The following BCAS3 variants were observed in gnomAD, a reference collection of about 807,000 sequenced individuals.
BCAS3 encodes the protein BCAS3 microtubule associated cell migration factor.
BCAS3 carries 53 observed loss-of-function variants against 116.1 expected under a neutral mutation model. The ratio of observed to expected loss-of-function variants is 0.46; its 90% CI spans 0.37 to 0.57. The LOEUF is 0.57. BCAS3 is among the 20% of genes least tolerant of loss of function. BCAS3 has a pLI of 0.00. For synonymous variants in BCAS3, 391 were observed against 408.2 expected (o/e 0.96, Z 0.51); for missense variants, 917 against 1,165.4 (o/e 0.79, Z 3.10).
rs1228875288 is a variant in BCAS3, at chr17:61,281,416, T to G, written c.2426-86911T>G. Among the ~76,000 whole-genome samples, 2 of 152,220 alleles carry G rather than the reference T, an allele frequency of 1.3e-5. No homozygotes were observed. Among genetic ancestry groups the G allele is most frequent in the Non-Finnish European group, 2.9e-5 (2 of 68,032 alleles). On this transcript the variant is annotated intron_variant, in intron 22 of 23. Coordinates refer to ENST00000407086, the MANE Select transcript of BCAS3 (RefSeq NM_017679.5). This position sits in a 1 kb window ranked among gnomAD's most constrained non-coding sequence, Gnocchi z 4.2. ...TAATTTAATTATTTAATGTCAAATTTTCCATCATAGTCACCATACTAAGTT... is the reference window on the plus strand; with the variant it reads ...TAATTTAATTATTTAATGTCAAATTGTCCATCATAGTCACCATACTAAGTT...
At chr17:60,724,441 AAG>A (rs2039603624) in intron 5 of BCAS3, among the ~76,000 whole-genome samples, 1 of 144,988 alleles carries the variant, frequency 6.9e-6, no homozygotes, top group Non-Finnish European at 1.5e-5. Flanking sequence ...AAAAAAAAAA[AAG>A]GCCGGATGCG....
chr17:60,708,181 TG>T (rs1476008861), intron 4 of BCAS3, among the ~76,000 whole-genome samples: 1 of 152,000 alleles, frequency 6.6e-6, no homozygotes, highest in Non-Finnish European at 1.5e-5. Flanking sequence ...AAAAATTAGC[TG>T]GGCATTATGG....
In BCAS3 at chr17:61,151,866, C is replaced by T. The variant is rs1480861119; in HGVS notation, c.2425+67302C>T. On this transcript the variant is annotated intron_variant, in intron 22 of 23. Coordinates refer to ENST00000407086, the MANE Select transcript of BCAS3 (RefSeq NM_017679.5). This position sits in a 1 kb window ranked among gnomAD's most constrained non-coding sequence, Gnocchi z 4.8. ...GCTTTTCATGCCAATACTCCTCCTG[C>T]AAACGTGAATGTTCCTAAAATGCAC... 2.6e-5 allele frequency among the ~76,000 whole-genome samples: 4 copies of T among 152,174 alleles called. No homozygotes were observed. The East Asian group carries it at 7.7e-4, about 29-fold the overall frequency.
chr17:61,011,904 T>C (rs933037372), intron 15 of BCAS3, among the ~76,000 whole-genome samples: 1 of 152,088 alleles, frequency 6.6e-6, no homozygotes, highest in African/African-American at 2.4e-5. Context: ...GTGTCAGCTA[T>C]TGAGATTTCT....
intron 22 of BCAS3, among the ~76,000 whole-genome samples, chr17:61,190,103 G>A (rs1452817487): frequency 6.6e-6 from 1 of 152,202 alleles, no homozygotes; most frequent in Non-Finnish European, 1.5e-5. Flanking sequence ...GAATAGTATA[G>A]TGGTTCTCAA....
intron 22 of BCAS3, among the ~76,000 whole-genome samples, chr17:61,232,200 GAAA>G (rs71148394): frequency 8.4e-4 from 61 of 72,486 alleles, no homozygotes; most frequent in South Asian, 5.6e-3. Flanking sequence ...GAAAGACTCC[GAAA>G]AAAAAAAAAA....
rs2081425790 is a variant in BCAS3, at chr17:61,211,003, C to G, written c.2425+126439C>G. 6.6e-6 allele frequency among the ~76,000 whole-genome samples: 1 copy of G among 152,042 alleles called. No homozygotes were observed. The highest frequency in any genetic ancestry group is 6.5e-5 in the Admixed American group (1 of 15,274). ...ATCCATACCCACAGAGATGATGAGC[C>G]AAAGGCTTCCCTAAGCTAGGGTCCC... On this transcript the variant is annotated intron_variant, in intron 22 of 23. Transcript: ENST00000407086. This position sits in a 1 kb window ranked among gnomAD's most constrained non-coding sequence, Gnocchi z 4.4.
rs117572415 is a variant in BCAS3 at position 61,349,375 on chromosome 17, T to C, written c.2426-18952T>C. On this transcript the variant is annotated intron_variant, in intron 22 of 23. Coordinates refer to ENST00000407086, the MANE Select transcript of BCAS3 (RefSeq NM_017679.5). This position sits in a 1 kb window ranked among gnomAD's most constrained non-coding sequence, Gnocchi z 4.7. Reference sequence around the variant, plus strand: ...CACTGTTACTGATGGAACCATGTCATGAATCCCTCAGATGTGTGGGATGGA... The same window carrying C: ...CACTGTTACTGATGGAACCATGTCACGAATCCCTCAGATGTGTGGGATGGA... Among the ~76,000 whole-genome samples, 1 of 152,302 alleles carries C rather than the reference T, an allele frequency of 6.6e-6. No individual in the cohort carries two copies. The highest frequency in any genetic ancestry group is 1.9e-4 in the East Asian group (1 of 5,184).
At chr17:60,791,642 T>C (rs2046775543) in intron 6 of BCAS3, among the ~76,000 whole-genome samples, 1 of 152,116 alleles carries the variant, frequency 6.6e-6, no homozygotes, top group Non-Finnish European at 1.5e-5. Context: ...ACCCCATCTC[T>C]GAAAAACAGA....
At chr17:60,769,813 C>T (rs368985415) in intron 6 of BCAS3, among the ~76,000 whole-genome samples, 3 of 151,762 alleles carry the variant, frequency 2.0e-5, no homozygotes, top group Non-Finnish European at 4.4e-5. Context: ...TTCACCCTTT[C>T]GCCCAGGCTG....
At chr17:60,975,663 A>G (rs1012584137) in intron 14 of BCAS3, among the ~76,000 whole-genome samples, 1 of 152,198 alleles carries the variant, frequency 6.6e-6, no homozygotes, top group African/African-American at 2.4e-5. Flanking sequence ...CAGCACCCCA[A>G]AATGAACCTT....
intron 22 of BCAS3, among the ~76,000 whole-genome samples, chr17:61,268,594 G>GT (rs1475956082): frequency 6.7e-6 from 1 of 150,044 alleles, no homozygotes; most frequent in Non-Finnish European, 1.5e-5. Context: ...TGTTTTTTTT[G>GT]TTTTTTGAGA....
intron 14 of BCAS3, among the ~76,000 whole-genome samples, chr17:60,965,037 C>CCTGCT (rs1353438188): frequency 6.6e-6 from 1 of 151,712 alleles, no homozygotes; most frequent in African/African-American, 2.4e-5. Flanking sequence ...TTCATTAGTT[C>CCTGCT]CTGCTCTGAT....
At chr17:61,044,465 A>AAAAAAAAATATATATATATATATAT in intron 19 of BCAS3, among the ~76,000 whole-genome samples, 4 of 120,118 alleles carry the variant, frequency 3.3e-5, no homozygotes, top group African/African-American at 2.0e-4. Flanking sequence ...AAAAAAAAAA[A>AAAAAAAAATATATATATATATATAT]ATATATATAT....
At chr17:60,724,379 C>T (rs536501595) in intron 5 of BCAS3, among the ~76,000 whole-genome samples, 9 of 142,478 alleles carry the variant, frequency 6.3e-5, no homozygotes, top group African/African-American at 2.4e-4. Context: ...GCTGAGATCG[C>T]GCCACTGCAC....
At chr17:61,185,543 C>G (rs754302272) in intron 22 of BCAS3, among the ~76,000 whole-genome samples, 7 of 152,064 alleles carry the variant, frequency 4.6e-5, no homozygotes, top group Non-Finnish European at 5.9e-5. Flanking sequence ...GTGGTTGATA[C>G]ACTCCAGTTT....
chr17:60,904,863 C>T (rs1163842688), intron 11 of BCAS3, among the ~76,000 whole-genome samples: 6 of 152,050 alleles, frequency 3.9e-5, no homozygotes, highest in African/African-American at 1.4e-4. Flanking sequence ...AAAGATGTCT[C>T]CAGACCTAGA....
At chr17:60,851,410 A>G (rs926928821) in intron 7 of BCAS3, 17 of 411,792 alleles carry the variant, frequency 4.1e-5, no homozygotes, top group African/African-American at 3.2e-4. Context: ...AGCTCCACCG[A>G]AGGGGCCGCC....
rs2066900659 is a variant in BCAS3, at chr17:61,034,908, A to G, written c.1762+118A>G. 1 of 918,304 alleles carries G rather than the reference A, an allele frequency of 1.1e-6. No individual in the cohort carries two copies. Among genetic ancestry groups the G allele is most frequent in the Non-Finnish European group, 1.6e-6 (1 of 614,588 alleles). The allele number at this position is 918,304 out of a possible 1,614,324, so 56.9% of individuals were successfully genotyped here. On this transcript the variant is annotated intron_variant, in intron 17 of 23. Coordinates refer to ENST00000407086, the MANE Select transcript of BCAS3 (RefSeq NM_017679.5). The surrounding 1 kb of genome is among the most constrained non-coding windows in gnomAD (Gnocchi z 5.0). ...CAGTAGTCTGGAAACCAATTTTTTT[A>G]ATGTAATTAGCATGTCACTTCTCAA...
Sources: allele counts gnomAD v4.1 joint callset (sites outside exome capture counted in the v4.1 genomes callset), GRCh38; gene constraint gnomAD v4.1.1; non-coding constraint Gnocchi (gnomAD v3.1); transcripts MANE v1.5; gene names NCBI Gene and HGNC (gene_info 2026-07-23, HGNC 2026-07-21).